The following ORMDL3 variants were observed in gnomAD, a reference collection of about 807,000 sequenced individuals.
ORMDL3 encodes the protein ORM1-like protein 3.
Under a neutral mutation model 12.6 loss-of-function variants are expected in ORMDL3, and 6 were observed. That is an observed-to-expected ratio of 0.48 (90% CI 0.26 to 0.94). ORMDL3 has a LOEUF of 0.94. Ranked by LOEUF, ORMDL3 falls within the 40% of genes least tolerant of loss-of-function variation. The pLI is 0.14. For missense variants in ORMDL3, 159 were observed against 205.5 expected (o/e 0.77, Z 1.38); for synonymous variants, 99 against 87.2 (o/e 1.14, Z -0.75).
intron 1 of ORMDL3, chr17:39,926,942 C>T (rs542571610): frequency 1.0e-6 from 1 of 985,848 alleles, no homozygotes; most frequent in Non-Finnish European, 1.2e-6. Flanking sequence ...AGGACCACAG[C>T]TGATAACCTC....
intron 1 of ORMDL3, 190 bp downstream of exon 1, chr17:39,927,294 C>T (rs1440434733): frequency 3.8e-5 from 10 of 261,864 alleles, no homozygotes; most frequent in Non-Finnish European, 4.8e-5. Flanking sequence ...CGTTCCACCC[C>T]CGGCCTCCCG....
At chr17:39,926,668 C>G in intron 1 of ORMDL3, 1 of 592,670 alleles carries the variant, frequency 1.7e-6, no homozygotes, top group Non-Finnish European at 2.1e-6. Flanking sequence ...CCCTCCTTCC[C>G]GCCCCACCCT....
chr17:39,923,083 T>A (rs564310143), intron 3 of ORMDL3, 29 bp downstream of exon 3: 1 of 1,613,538 alleles, frequency 6.2e-7, no homozygotes, highest in South Asian at 1.1e-5. Flanking sequence ...CCCTGCCTGC[T>A]GGTGTCTTCC....
In ORMDL3 at chr17:39,927,542, G is replaced by C. The variant is rs945869478; in HGVS notation, c.-81C>G. ...GTTCCCGGGAGCGGGGGCCGCTGCT[G>C]CTCCAGCAGCTGTAACAACCCGCGG... On this transcript the variant is annotated 5_prime_UTR_variant, in exon 1 of 4. Coordinates refer to ENST00000304046, the MANE Select transcript of ORMDL3 (RefSeq NM_139280.4). The C allele has an allele frequency of 5.1e-6, 5 of 985,394 alleles. No individual in the cohort carries two copies. Among genetic ancestry groups the C allele is most frequent in the Admixed American group, 6.1e-5 (1 of 16,272 alleles). The allele number at this position is 985,394 out of a possible 1,614,324, so 61.0% of individuals were successfully genotyped here. A position where few individuals can be genotyped will look rare whatever the true frequency, so the allele number is the denominator to read the frequency against.
rs1318352638 is a variant in ORMDL3 at position 39,922,414 on chromosome 17, G to A, written c.*136C>T. ...AGTTGGCTACTGGGGGAAGCGAGGG[G>A]GGAAATTAGGCCAGAGGCTCAACCC... On this transcript the variant is annotated 3_prime_UTR_variant, in exon 4 of 4. Transcript: ENST00000304046. 4 of 1,131,366 alleles carry A rather than the reference G, an allele frequency of 3.5e-6. No individual in the cohort carries two copies. Among genetic ancestry groups the A allele is most frequent in the Admixed American group, 2.5e-5 (1 of 40,544 alleles). 70.1% of individuals were successfully genotyped at this position (1,131,366 alleles called of 1,614,324 possible).
Position 39,922,317 on chromosome 17 carries a change from G to C in ORMDL3, c.*233C>G. On this transcript the variant is annotated 3_prime_UTR_variant, in exon 4 of 4. Transcript: ENST00000304046. ...TGGAGTCTCTATTCAAAAAGCAAAA[G>C]GAAAAGATCAAAAAATTCAGAAAAG... 1 of 452,880 alleles carries C rather than the reference G, an allele frequency of 2.2e-6. No homozygotes were observed. The highest frequency in any genetic ancestry group is 3.9e-6 in the Non-Finnish European group (1 of 254,986). The allele number at this position is 452,880 out of a possible 1,614,324, so 28.1% of individuals were successfully genotyped here. A position where few individuals can be genotyped will look rare whatever the true frequency, so the allele number is the denominator to read the frequency against.
At chr17:39,927,335 G>A (rs1978487106) in intron 1 of ORMDL3, 149 bp downstream of exon 1, 2 of 494,118 alleles carry the variant, frequency 4.0e-6, no homozygotes, top group Non-Finnish European at 5.2e-6. Context: ...CACCTCCCCA[G>A]CCGATGCACC....
intron 3 of ORMDL3, 124 bp downstream of exon 3, chr17:39,922,988 T>C (rs1978308250): frequency 1.5e-6 from 2 of 1,337,566 alleles, no homozygotes; most frequent in Non-Finnish European, 2.1e-6. Flanking sequence ...CCCAGGAATA[T>C]TCCAACTTCC....
chr17:39,921,702 T>C lies in ORMDL3; in HGVS notation c.*848A>G, dbSNP rs1978297232. Reference sequence around the variant, plus strand: ...TCCCTCCCCTATTACTATCACATTCTGTGGGTAAATTAACCCTCCAAGCCT... The same window carrying C: ...TCCCTCCCCTATTACTATCACATTCCGTGGGTAAATTAACCCTCCAAGCCT... On this transcript the variant is annotated 3_prime_UTR_variant, in exon 4 of 4. Transcript: ENST00000304046. 6.6e-6 allele frequency: 1 copy of C among 152,430 alleles called. No individual in the cohort carries two copies. Among genetic ancestry groups the C allele is most frequent in the South Asian group, 2.1e-4 (1 of 4,836 alleles). 9.4% of individuals were successfully genotyped at this position (152,430 alleles called of 1,614,324 possible).
Position 39,923,198 on chromosome 17 carries a change from C to A in ORMDL3, c.240G>T (p.Ala80=), listed in dbSNP as rs369913328. 1.2e-6 allele frequency: 2 copies of A among 1,614,192 alleles called. No individual in the cohort carries two copies. Among genetic ancestry groups the A allele is most frequent in the Non-Finnish European group, 1.7e-6 (2 of 1,180,018 alleles). The change falls in exon 3 of 4, where the codon GCG becomes GCT. Residue 80 remains alanine (A), a synonymous_variant. Coordinates refer to ENST00000304046, the MANE Select transcript of ORMDL3 (RefSeq NM_139280.4). ...TPFETPDQGK[A]RLLTHWEQMD... ...TCTGCTCCCAGTGGGTTAGCAGCCTCGCCTTGCCCTGGTCCGGGGTCTCAA... is the reference window on the plus strand; with the variant it reads ...TCTGCTCCCAGTGGGTTAGCAGCCTAGCCTTGCCCTGGTCCGGGGTCTCAA...
intron 1 of ORMDL3, chr17:39,927,101 C>A (rs1353076464): frequency 2.6e-6 from 2 of 767,064 alleles, no homozygotes; most frequent in African/African-American, 1.9e-5. Context: ...ACCTCGGGTG[C>A]GGGGCCGGGG....
Position 39,924,227 on chromosome 17 carries a change from T to A in ORMDL3, c.-22-2A>T. The A allele has an allele frequency of 6.3e-7, 1 of 1,585,558 alleles. No individual in the cohort carries two copies. ...ATCCTGCTGCCCCTCTCTGCTGTTCTGCAAACAAGCAGCACAGGTCAGACA... is the reference window on the plus strand; with the variant it reads ...ATCCTGCTGCCCCTCTCTGCTGTTCAGCAAACAAGCAGCACAGGTCAGACA... On this transcript the variant is annotated splice_acceptor_variant, in intron 1 of 3. Transcript: ENST00000304046. LOFTEE classifies it low-confidence loss of function (5UTR_SPLICE).
Position 39,922,493 on chromosome 17 carries a change from C to T in ORMDL3, c.*57G>A, listed in dbSNP as rs1420600177. ...TCTTTCTGTCTTCAGTGTTGCAGCA[C>T]ATGCCTTTTACCCTACCCCTCCCCT... On this transcript the variant is annotated 3_prime_UTR_variant, in exon 4 of 4. Coordinates refer to ENST00000304046, the MANE Select transcript of ORMDL3 (RefSeq NM_139280.4). 6 of 1,563,720 alleles carry T rather than the reference C, an allele frequency of 3.8e-6. No individual in the cohort carries two copies. The highest frequency in any genetic ancestry group is 4.3e-6 in the Non-Finnish European group (5 of 1,152,980).
intron 3 of ORMDL3, 126 bp downstream of exon 3, chr17:39,922,986 T>C: frequency 7.7e-7 from 1 of 1,306,712 alleles, no homozygotes; most frequent in Non-Finnish European, 1.1e-6. Context: ...GACCCAGGAA[T>C]ATTCCAACTT....
rs1978438305 is a variant in ORMDL3, at chr17:39,926,645, G to A, written c.-23+839C>T. ...CTGTTGTGTTAACCACTTTTTTGCT[G>A]GTAGCTCTTTCCCCCTCCTTCCCGC... On this transcript the variant is annotated intron_variant, in intron 1 of 3. Transcript: ENST00000304046. 7.4e-6 allele frequency: 3 copies of A among 405,378 alleles called. No individual in the cohort carries two copies. The South Asian group carries it at 3.1e-4, about 41-fold the overall frequency. 25.1% of individuals were successfully genotyped at this position (405,378 alleles called of 1,614,324 possible).
At chr17:39,926,691 T>G in intron 1 of ORMDL3, 7 of 738,944 alleles carry the variant, frequency 9.5e-6, no homozygotes, top group African/African-American at 1.9e-5. Flanking sequence ...TGGCTCCACA[T>G]ACAAATATCC....
At chr17:39,922,881 C>T (rs947521802) in intron 3 of ORMDL3, among the ~76,000 whole-genome samples, 196 bp from the exon 4 acceptor site, 2 of 152,224 alleles carry the variant, frequency 1.3e-5, no homozygotes, top group Non-Finnish European at 2.9e-5. Flanking sequence ...CTCCCAGCTT[C>T]ACCCCAAGCC....
At chr17:39,927,458 G>A (rs1978497159) in intron 1 of ORMDL3, 26 bp downstream of exon 1, 2 of 985,406 alleles carry the variant, frequency 2.0e-6, no homozygotes, top group South Asian at 4.7e-5. Context: ...GTAGCCCTGG[G>A]GCCTCTTGGT....
At chr17:39,923,069 C>G in intron 3 of ORMDL3, 43 bp downstream of exon 3, 3 of 1,612,150 alleles carry the variant, frequency 1.9e-6, no homozygotes, top group Middle Eastern at 1.7e-4. Flanking sequence ...TCCTCCAGGC[C>G]TTGCCCTGCC....
Sources: gnomAD v4.1 joint callset for allele counts (sites outside exome capture counted in the v4.1 genomes callset) on GRCh38, gnomAD v4.1.1 for gene constraint, MANE v1.5 for transcripts, NCBI Gene and HGNC (gene_info 2026-07-23, HGNC 2026-07-21) for gene names.